Variants in TASP1 observed in about 807,000 individuals in gnomAD.
TASP1 encodes threonine aspartase 1.
A neutral mutation model predicts 56.6 loss-of-function variants in TASP1; 16 were observed. The ratio of observed to expected loss-of-function variants is 0.28; its 90% CI spans 0.19 to 0.43. TASP1 has a LOEUF of 0.43. Among genes scored for constraint, TASP1 ranks in the 20% least tolerant of loss-of-function variants. The pLI is 1.00. For synonymous variants in TASP1, 179 were observed against 184.2 expected (o/e 0.97, Z 0.23); for missense variants, 393 against 511.6 (o/e 0.77, Z 2.24).
chr20:13,571,714 T>G (rs1226119082), intron 6 of TASP1, among the ~76,000 whole-genome samples: 1 of 152,184 alleles, frequency 6.6e-6, no homozygotes, highest in East Asian at 1.9e-4. Flanking sequence ...GTAAAACCTC[T>G]TGTGAGGACC....
At chr20:13,464,613 C>T (rs546456745) in intron 11 of TASP1, among the ~76,000 whole-genome samples, 2 of 152,066 alleles carry the variant, frequency 1.3e-5, no homozygotes, top group Non-Finnish European at 2.9e-5. Flanking sequence ...CTTGGATGAA[C>T]CTTAAGGACA....
the TASP1 span, among the ~76,000 whole-genome samples, chr20:13,188,928 CA>C: frequency 6.6e-6 from 1 of 152,324 alleles, no homozygotes; most frequent in Non-Finnish European, 1.5e-5. Context: ...GACCATTCTT[CA>C]ACCACTCATA....
chr20:13,262,344 G>A, the TASP1 span, among the ~76,000 whole-genome samples: 1 of 152,182 alleles, frequency 6.6e-6, no homozygotes, highest in African/African-American at 2.4e-5. Flanking sequence ...TGGATGCTGA[G>A]GATGGCTGGC....
chr20:13,446,565 TGTAA>T (rs1182371520), intron 11 of TASP1, among the ~76,000 whole-genome samples: 1 of 152,092 alleles, frequency 6.6e-6, no homozygotes, highest in Non-Finnish European at 1.5e-5. Flanking sequence ...ATTCTATAGA[TGTAA>T]GTACCATCAA....
intron 8 of TASP1, among the ~76,000 whole-genome samples, chr20:13,543,925 T>C (rs2045712871): frequency 6.6e-6 from 1 of 152,206 alleles, no homozygotes; most frequent in South Asian, 2.1e-4. Context: ...ATTTAGATCT[T>C]CCCTAATGTA....
intron 13 of TASP1, among the ~76,000 whole-genome samples, chr20:13,413,777 C>T (rs1033329877): frequency 2.0e-5 from 3 of 152,154 alleles, no homozygotes; most frequent in Non-Finnish European, 4.4e-5. Flanking sequence ...AAGATCTATA[C>T]ATCCTTTACC....
At chr20:13,581,521 T>C (rs2047124964) in intron 5 of TASP1, among the ~76,000 whole-genome samples, 1 of 152,116 alleles carries the variant, frequency 6.6e-6, no homozygotes, top group Non-Finnish European at 1.5e-5. Flanking sequence ...GTCCTTCAAA[T>C]TGGGTAAGGG....
the TASP1 span, among the ~76,000 whole-genome samples, chr20:13,308,894 C>T: frequency 6.6e-6 from 1 of 152,028 alleles, no homozygotes; most frequent in African/African-American, 2.4e-5. Context: ...GCCCTCTTTC[C>T]ACCATGTAAG....
intron 10 of TASP1, among the ~76,000 whole-genome samples, chr20:13,505,747 T>G (rs2044106283): frequency 6.6e-6 from 1 of 152,106 alleles, no homozygotes; most frequent in African/African-American, 2.4e-5. Context: ...AAAATGTATG[T>G]GTGCAGAAAA....
intron 13 of TASP1, among the ~76,000 whole-genome samples, chr20:13,403,747 A>G (rs2041821718): frequency 6.6e-6 from 1 of 152,084 alleles, no homozygotes; most frequent in East Asian, 1.9e-4. Flanking sequence ...TAGCCAGGTG[A>G]GGTGTGCCCC....
Position 13,509,625 on chromosome 20 carries a change from C to T in TASP1, c.874+18808G>A, listed in dbSNP as rs147188675. 1.8e-3 allele frequency among the ~76,000 whole-genome samples: 278 copies of T among 151,830 alleles called. 1 individual carries two copies. The highest frequency in any genetic ancestry group is 6.3e-3 in the African/African-American group (261 of 41,438). On this transcript the variant is annotated intron_variant, in intron 10 of 13. Coordinates refer to ENST00000337743, the MANE Select transcript of TASP1 (RefSeq NM_017714.3). ...TAAGAAGTGTTTTGTAATTCTTTTCCTGTTTTTGTTTTTGTTTTTCTTGAG... is the reference window on the plus strand; with the variant it reads ...TAAGAAGTGTTTTGTAATTCTTTTCTTGTTTTTGTTTTTGTTTTTCTTGAG...
intron 4 of TASP1, among the ~76,000 whole-genome samples, chr20:13,590,329 G>A (rs1192489388): frequency 6.6e-6 from 1 of 152,138 alleles, no homozygotes; most frequent in Non-Finnish European, 1.5e-5. Context: ...CACAAGGATG[G>A]CTATAATCAT....
the TASP1 span, among the ~76,000 whole-genome samples, chr20:13,261,624 C>T: frequency 1.3e-5 from 2 of 152,166 alleles, no homozygotes; most frequent in Non-Finnish European, 2.9e-5. Flanking sequence ...AAACTCCTGG[C>T]CCCAGTCCTT....
chr20:13,214,769 A>C, the TASP1 span, among the ~76,000 whole-genome samples: 1 of 152,190 alleles, frequency 6.6e-6, no homozygotes, highest in South Asian at 2.1e-4. Context: ...ATGGTGAGAA[A>C]ACTGTGGTCA....
chr20:13,512,639 C>T (rs905537858), intron 10 of TASP1, among the ~76,000 whole-genome samples: 3 of 152,160 alleles, frequency 2.0e-5, no homozygotes. Context: ...GCTTTTGTTG[C>T]CATTGCTTTT....
At chr20:13,246,272 C>CAAA in the TASP1 span, among the ~76,000 whole-genome samples, 1,911 of 121,022 alleles carry the variant, frequency 0.016, 43 homozygotes, top group African/African-American at 0.052. Flanking sequence ...GACTCCATCT[C>CAAA]AAAAAAAAAA....
intron 13 of TASP1, among the ~76,000 whole-genome samples, chr20:13,404,688 AAAGTT>A (rs1332306249): frequency 6.6e-6 from 1 of 152,252 alleles, no homozygotes; most frequent in African/African-American, 2.4e-5. Context: ...AAAGCTGACA[AAAGTT>A]AATAGTCATC....
At chr20:13,541,729 T>C (rs967266999) in intron 8 of TASP1, among the ~76,000 whole-genome samples, 5 of 151,922 alleles carry the variant, frequency 3.3e-5, no homozygotes, top group Admixed American at 1.3e-4. Flanking sequence ...TAAACACTTG[T>C]TGAATGGATG....
chr20:13,451,751 T>C (rs987175190), intron 11 of TASP1, among the ~76,000 whole-genome samples: 2 of 152,140 alleles, frequency 1.3e-5, no homozygotes, highest in Non-Finnish European at 2.9e-5. Context: ...TAGCACTTTT[T>C]AATTTCCTTC....
Sources: gnomAD v4.1 joint callset for allele counts (sites outside exome capture counted in the v4.1 genomes callset) on GRCh38, gnomAD v4.1.1 for gene constraint, MANE v1.5 for transcripts, NCBI Gene and HGNC (gene_info 2026-07-23, HGNC 2026-07-21) for gene names.